The following ZNF532 variants were observed in gnomAD, a reference collection of about 807,000 sequenced individuals.
ZNF532 encodes zinc finger protein 532.
In ZNF532, 22 loss-of-function variants were observed where a neutral mutation model predicts 89.3. The ratio of observed to expected loss-of-function variants is 0.25; its 90% CI spans 0.18 to 0.35. The LOEUF (loss-of-function observed/expected upper bound fraction) is 0.35. Among genes scored for constraint, ZNF532 ranks in the 10% least tolerant of loss-of-function variants. The pLI is 1.00. For missense variants in ZNF532, 1,132 were observed against 1,643.4 expected (o/e 0.69, Z 5.38); for synonymous variants, 606 against 649.6 (o/e 0.93, Z 1.02).
chr18:58,951,702 T>G (rs1422962421), intron 6 of ZNF532, among the ~76,000 whole-genome samples: 1 of 124,994 alleles, frequency 8.0e-6, no homozygotes, highest in African/African-American at 3.1e-5. Flanking sequence ...CAAGCTGGAG[T>G]GCAGTGGGGA....
In ZNF532 at chr18:58,919,848, A is replaced by T. The variant is rs2060896288; in HGVS notation, c.1561A>T (p.Thr521Ser). Reference protein sequence around the residue: ...SLANAKLVPKTVHLANLNLLP... With the variant: ...SLANAKLVPKSVHLANLNLLP... ...GGCCAATGCCAAACTCGTGCCAAAGACTGTGCACCTTGCCAACCTTAACCT... is the reference window on the plus strand; with the variant it reads ...GGCCAATGCCAAACTCGTGCCAAAGTCTGTGCACCTTGCCAACCTTAACCT... The change falls in exon 3 of 10, where the codon ACT becomes TCT. Residue 521 changes from threonine to serine, a missense_variant. Around this residue, in one of 9 missense-constraint regions of ZNF532, gnomAD observed 97 missense variants for 143.7 expected, o/e 0.68. Coordinates refer to ENST00000591808, the MANE Select transcript of ZNF532 (RefSeq NM_001375912.1). The surrounding 1 kb of genome is among the most constrained non-coding windows in gnomAD (Gnocchi z 6.1). 1 of 1,613,972 alleles carries T rather than the reference A, an allele frequency of 6.2e-7. No homozygotes were observed. The highest frequency in any genetic ancestry group is 8.5e-7 in the Non-Finnish European group (1 of 1,179,864).
At chr18:58,881,327 G>A (rs12970829) in intron 2 of ZNF532, among the ~76,000 whole-genome samples, 34,006 of 151,756 alleles carry the variant, frequency 0.22, 4,387 homozygotes, top group Middle Eastern at 0.41. Context: ...GAGACGACGG[G>A]GTTTCACCAT....
intron 2 of ZNF532, among the ~76,000 whole-genome samples, chr18:58,888,658 A>C (rs1235742358): frequency 7.7e-6 from 1 of 130,548 alleles, no homozygotes; most frequent in East Asian, 2.1e-4. Flanking sequence ...CCTGAGCGAC[A>C]AGAGCGAAAC....
intron 2 of ZNF532, among the ~76,000 whole-genome samples, chr18:58,883,414 A>C (rs2058065411): frequency 6.6e-6 from 1 of 152,164 alleles, no homozygotes; most frequent in South Asian, 2.1e-4. Flanking sequence ...TTGGAGGATG[A>C]GAACAGCTGT....
At chr18:58,942,085 C>T (rs531922189) in intron 5 of ZNF532, among the ~76,000 whole-genome samples, 89 of 149,156 alleles carry the variant, frequency 6.0e-4, no homozygotes, top group Admixed American at 2.2e-3. Context: ...TGCAGTGGCA[C>T]GATCTCAGCT....
intron 2 of ZNF532, among the ~76,000 whole-genome samples, chr18:58,917,021 G>C (rs1388125861): frequency 6.6e-6 from 1 of 152,194 alleles, no homozygotes; most frequent in East Asian, 1.9e-4. Flanking sequence ...ATCTAAATTG[G>C]CTAGGTGAAT....
intron 2 of ZNF532, among the ~76,000 whole-genome samples, chr18:58,892,194 A>T (rs2058949268): frequency 6.6e-6 from 1 of 152,180 alleles, no homozygotes; most frequent in South Asian, 2.1e-4. Context: ...GAAACACAAC[A>T]CTGTGTCTCA....
chr18:58,934,930 C>T (rs2062250120), intron 4 of ZNF532, among the ~76,000 whole-genome samples: 1 of 152,132 alleles, frequency 6.6e-6, no homozygotes, highest in Non-Finnish European at 1.5e-5. Flanking sequence ...ATACTCTTTG[C>T]ATTTTAACCC....
chr18:58,975,174 T>C (rs1483187041), intron 7 of ZNF532, among the ~76,000 whole-genome samples: 1 of 152,158 alleles, frequency 6.6e-6, no homozygotes. Context: ...GTTTTTCCTT[T>C]TTCATAAAAA....
rs140985973 is a variant in ZNF532, at chr18:58,895,220, C to T, written c.-17-23051C>T. Among the ~76,000 whole-genome samples, 18 of 152,284 alleles carry T rather than the reference C, an allele frequency of 1.2e-4. No individual in the cohort carries two copies. In the East Asian group the frequency reaches 2.7e-3, roughly 23 times the overall value. ...GCCCTCCACTGAGCAGTAGCTGCGTCGTCTTCTAGATGCTTGCAGCCTCTG... is the reference window on the plus strand; with the variant it reads ...GCCCTCCACTGAGCAGTAGCTGCGTTGTCTTCTAGATGCTTGCAGCCTCTG... On this transcript the variant is annotated intron_variant, in intron 2 of 9. Transcript: ENST00000591808.
chr18:58,976,447 G>T (rs763954628), intron 7 of ZNF532, among the ~76,000 whole-genome samples: 4 of 152,214 alleles, frequency 2.6e-5, no homozygotes, highest in Admixed American at 6.5e-5. Context: ...TTTCTGTGGG[G>T]TCTCTTGTCC....
chr18:58,939,265 A>C (rs906834705), intron 4 of ZNF532, among the ~76,000 whole-genome samples, 180 bp from the exon 5 acceptor site: 1 of 149,748 alleles, frequency 6.7e-6, no homozygotes, highest in African/African-American at 2.5e-5. Context: ...AAAAAAAAAA[A>C]AAAAAAAAAA....
At chr18:58,968,708 G>A (rs1005628735) in intron 7 of ZNF532, among the ~76,000 whole-genome samples, 3 of 152,204 alleles carry the variant, frequency 2.0e-5, no homozygotes, top group African/African-American at 7.2e-5. Context: ...CCAGATTTGC[G>A]CTGGGATTAG....
intron 6 of ZNF532, 154 bp from the exon 7 acceptor site, chr18:58,953,364 A>G: frequency 1.5e-6 from 1 of 666,674 alleles, no homozygotes; most frequent in Non-Finnish European, 2.5e-6. Context: ...TTTGAAATGT[A>G]TATTTAGCTT....
At chr18:58,891,970 C>T (rs2058931333) in intron 2 of ZNF532, among the ~76,000 whole-genome samples, 1 of 152,122 alleles carries the variant, frequency 6.6e-6, no homozygotes, top group Non-Finnish European at 1.5e-5. Context: ...AAATACCAGC[C>T]CCCACTCACC....
At chr18:58,863,935 C>CCTGT (rs2056198082), upstream of ZNF532, among the ~76,000 whole-genome samples, 1 of 151,780 alleles carries the variant, frequency 6.6e-6, no homozygotes, top group Admixed American at 6.5e-5. Context: ...CCCGCAGTGG[C>CCTGT]CTGTCCCACC....
intron 2 of ZNF532, among the ~76,000 whole-genome samples, chr18:58,916,082 G>A (rs192920669): frequency 1.3e-5 from 2 of 152,302 alleles, no homozygotes; most frequent in Non-Finnish European, 2.9e-5. Context: ...TGGGGCAGGG[G>A]GTGGTGTCTT....
rs561073889 is a variant in ZNF532, at chr18:58,969,461, C to T, written c.3151-9594C>T. On this transcript the variant is annotated intron_variant, in intron 7 of 9. Transcript: ENST00000591808. ...ACAGAGGGGCGTCTTCATCGCTGCC[C>T]GGCAGCTTGGTCTCTCACCTGGGTA... is the stretch of plus-strand genomic sequence containing the variant. Among the ~76,000 whole-genome samples, 17 of 152,278 alleles carry T rather than the reference C, an allele frequency of 1.1e-4. No individual in the cohort carries two copies. The South Asian group carries it at 2.9e-3, about 26-fold the overall frequency.
intron 7 of ZNF532, among the ~76,000 whole-genome samples, chr18:58,954,578 G>A (rs1390767650): frequency 1.3e-5 from 2 of 149,762 alleles, no homozygotes; most frequent in East Asian, 1.9e-4. Context: ...ATTTTTTAAT[G>A]TATGGTTGAT....
Sources: gnomAD v4.1 joint callset for allele counts (sites outside exome capture counted in the v4.1 genomes callset) on GRCh38, gnomAD v4.1.1 for gene constraint, gnomAD v4.1.1 regional missense constraint, Gnocchi (gnomAD v3.1) non-coding constraint, MANE v1.5 for transcripts, NCBI Gene and HGNC (gene_info 2026-07-23, HGNC 2026-07-21) for gene names.